JPH2: variants seen among roughly 807,000 people sequenced by gnomAD.
JPH2 encodes junctophilin-2.
A neutral mutation model predicts 55.9 loss-of-function variants in JPH2; 38 were observed. That is an observed-to-expected ratio of 0.68 (90% CI 0.52 to 0.89). JPH2 has a LOEUF of 0.89. Ranked by LOEUF, JPH2 falls within the 40% of genes least tolerant of loss-of-function variation. The pLI, the probability that JPH2 is intolerant of heterozygous loss-of-function variation, is 0.00. For synonymous variants in JPH2, 480 were observed against 472.4 expected, an observed-to-expected ratio of 1.02 and a Z score of -0.21; for missense variants, 964 against 1,037.6, an observed-to-expected ratio of 0.93 and a Z score of 0.97.
rs777298881 is a variant in JPH2, at chr20:44,144,720, G to A, written c.1169+14898C>T. 1.1e-4 allele frequency among the ~76,000 whole-genome samples: 16 copies of A among 152,222 alleles called. No homozygotes were observed. The South Asian group carries it at 2.3e-3, about 22-fold the overall frequency. ...AGCCCAGCTGTGTCAGTTCTCGTGTGAGTTTGGACTGGTTTTCTCATCTGT... is the reference window on the plus strand; with the variant it reads ...AGCCCAGCTGTGTCAGTTCTCGTGTAAGTTTGGACTGGTTTTCTCATCTGT... On this transcript the variant is annotated intron_variant, in intron 2 of 5. Transcript: ENST00000372980.
chr20:44,131,657 T>C (rs1358986554), intron 2 of JPH2, among the ~76,000 whole-genome samples: 1 of 152,214 alleles, frequency 6.6e-6, no homozygotes, highest in Admixed American at 6.5e-5. Flanking sequence ...ACTTTTATAA[T>C]TTATTCACTT....
intron 2 of JPH2, among the ~76,000 whole-genome samples, chr20:44,153,838 G>A (rs556185141): frequency 1.3e-5 from 2 of 152,122 alleles, no homozygotes; most frequent in African/African-American, 4.8e-5. Flanking sequence ...GAGGTCTGGC[G>A]GGAAGAAAAG....
At chr20:44,135,283 A>G in intron 2 of JPH2, among the ~76,000 whole-genome samples, 1 of 152,222 alleles carries the variant, frequency 6.6e-6, no homozygotes, top group Admixed American at 6.6e-5. Flanking sequence ...GCTTTCATGT[A>G]ACTTCATGAC....
intron 2 of JPH2, among the ~76,000 whole-genome samples, chr20:44,122,601 G>A (rs1260640834): frequency 2.0e-5 from 3 of 152,108 alleles, no homozygotes; most frequent in Non-Finnish European, 2.9e-5. Flanking sequence ...TGCATGCATG[G>A]CTTTACCTCT....
intron 2 of JPH2, among the ~76,000 whole-genome samples, chr20:44,140,722 C>T (rs1464550483): frequency 7.0e-6 from 1 of 143,842 alleles, no homozygotes; most frequent in Non-Finnish European, 1.5e-5. Context: ...TGGGAGATCC[C>T]CACCGAGATC....
intron 4 of JPH2, 100 bp downstream of exon 4, chr20:44,115,565 C>T: frequency 6.7e-7 from 1 of 1,503,736 alleles, no homozygotes. Context: ...CGGTCTCTCG[C>T]ACCCCAGCAA....
chr20:44,178,124 C>A (rs768259764), intron 1 of JPH2: 185 of 704,048 alleles, frequency 2.6e-4, no homozygotes, highest in Non-Finnish European at 4.6e-4. Flanking sequence ...TTAGTAATAT[C>A]AGATTCTCTC....
intron 2 of JPH2, among the ~76,000 whole-genome samples, chr20:44,156,895 C>A (rs962691168): frequency 6.6e-6 from 1 of 152,106 alleles, no homozygotes; most frequent in African/African-American, 2.4e-5. Context: ...TTCAGTGATG[C>A]CAACGGCTCA....
At chr20:44,169,171 GTATTT>G (rs1158065397) in intron 1 of JPH2, among the ~76,000 whole-genome samples, 1 of 83,856 alleles carries the variant, frequency 1.2e-5, no homozygotes, top group African/African-American at 5.4e-5. Context: ...CTGGCCTTGG[GTATTT>G]TTTTTTTTTT....
chr20:44,116,240 G>T lies in JPH2; in HGVS notation c.1435C>A (p.Arg479=), dbSNP rs1273688341. ...GGTGACGGGGAGCCACCCTCGGGCC[G>T]AGGGGTCTCACGCTCGTGCAGCTGC... ...SPQLHERETP[R]PEGGSPSPAG... Residue 479 remains arginine, a synonymous_variant, in exon 4 of 6, where the codon CGG becomes AGG. Transcript: ENST00000372980. 4 of 1,463,710 alleles carry T rather than the reference G, an allele frequency of 2.7e-6. No homozygotes were observed. Among genetic ancestry groups the T allele is most frequent in the Non-Finnish European group, 3.6e-6 (4 of 1,116,406 alleles). 90.7% of individuals were successfully genotyped at this position (1,463,710 alleles called of 1,614,324 possible). A position where few individuals can be genotyped will look rare whatever the true frequency, so the allele number is the denominator to read the frequency against.
chr20:44,181,699 C>G (rs1331154373), intron 1 of JPH2, among the ~76,000 whole-genome samples: 1 of 152,232 alleles, frequency 6.6e-6, no homozygotes, highest in East Asian at 1.9e-4. Flanking sequence ...GTCCTCTCGT[C>G]CTGGAGTCTC....
intron 2 of JPH2, among the ~76,000 whole-genome samples, chr20:44,145,753 C>A (rs1422885051): frequency 6.6e-6 from 1 of 152,170 alleles, no homozygotes; most frequent in East Asian, 1.9e-4. Flanking sequence ...CAGAAGCCAA[C>A]TGAGGCTTCA....
chr20:44,129,749 G>A (rs1429288636), intron 2 of JPH2, among the ~76,000 whole-genome samples: 3 of 152,092 alleles, frequency 2.0e-5, no homozygotes, highest in Admixed American at 2.0e-4. Context: ...TCTTGAGATA[G>A]ATCATCCTGG....
rs1228547881 is a variant in JPH2 at position 44,106,914 on chromosome 20, G to A, written c.*6604C>T. 6.6e-6 allele frequency among the ~76,000 whole-genome samples: 1 copy of A among 152,150 alleles called. No homozygotes were observed. Among genetic ancestry groups the A allele is most frequent in the African/African-American group, 2.4e-5 (1 of 41,428 alleles). ...TATCACCCAGTAACAGAGCAAGGGA[G>A]GGGTATAAAAGCCCAATGGGAGATG... On this transcript the variant is annotated 3_prime_UTR_variant, in exon 6 of 6. Transcript: ENST00000372980.
Position 44,114,794 on chromosome 20 carries a change from G to A in JPH2, c.*2C>T, listed in dbSNP as rs376077213. On this transcript the variant is annotated 3_prime_UTR_variant, in exon 5 of 6. Coordinates refer to ENST00000372980, the MANE Select transcript of JPH2 (RefSeq NM_020433.5). ...CAGCTGGCTGCACCTGGTAAGCGAC[G>A]GTCAGGTCAGGAGGTGAACAAAGAG... The A allele has an allele frequency of 2.4e-5, 39 of 1,601,252 alleles. No individual in the cohort carries two copies. Among genetic ancestry groups the A allele is most frequent in the East Asian group, 1.6e-4 (7 of 44,566 alleles).
Position 44,116,001 on chromosome 20 carries a change from C to T in JPH2, c.1674G>A (p.Pro558=), listed in dbSNP as rs779915700. 44 of 1,579,534 alleles carry T rather than the reference C, an allele frequency of 2.8e-5. No homozygotes were observed. Among genetic ancestry groups the T allele is most frequent in the Non-Finnish European group, 3.7e-5 (43 of 1,171,100 alleles). The change falls in exon 4 of 6, where the codon CCG becomes CCA. Residue 558 remains proline (P), a synonymous_variant. Transcript: ENST00000372980. The part of the protein sequence containing the change: ...LQAPPAPSRE[P]EVALYQGYHS... ...GGTAGCCCTGGTAAAGCGCCACCTCCGGCTCCCGCGACGGCGCAGGCGGTG... is the reference window on the plus strand; with the variant it reads ...GGTAGCCCTGGTAAAGCGCCACCTCTGGCTCCCGCGACGGCGCAGGCGGTG...
chr20:44,109,964 G>A lies in JPH2; in HGVS notation c.*3554C>T, dbSNP rs1204720019. Reference sequence around the variant, plus strand: ...CAGCATTGCTTTTAAGTTCATGCATGGTACAAACCACCTTAAATGCATTCC... The same window carrying A: ...CAGCATTGCTTTTAAGTTCATGCATAGTACAAACCACCTTAAATGCATTCC... On this transcript the variant is annotated 3_prime_UTR_variant, in exon 6 of 6. Coordinates refer to ENST00000372980, the MANE Select transcript of JPH2 (RefSeq NM_020433.5). Among the ~76,000 whole-genome samples the A allele has an allele frequency of 6.6e-6, 1 of 152,140 alleles. No individual in the cohort carries two copies. Among genetic ancestry groups the A allele is most frequent in the African/African-American group, 2.4e-5 (1 of 41,416 alleles).
At chr20:44,135,101 CA>C (rs1783955112) in intron 2 of JPH2, among the ~76,000 whole-genome samples, 1 of 151,040 alleles carries the variant, frequency 6.6e-6, no homozygotes, top group Non-Finnish European at 1.5e-5. Context: ...TTGGCATGAC[CA>C]TACCTACTGG....
chr20:44,115,422 A>C (rs2072180674), intron 4 of JPH2, among the ~76,000 whole-genome samples: 3 of 152,160 alleles, frequency 2.0e-5, no homozygotes, highest in Admixed American at 6.5e-5. Flanking sequence ...TGTCTCTGCC[A>C]ATGGGATACC....
Sources: allele counts gnomAD v4.1 joint callset (sites outside exome capture counted in the v4.1 genomes callset), GRCh38; gene constraint gnomAD v4.1.1; transcripts MANE v1.5; gene names NCBI Gene and HGNC (gene_info 2026-07-23, HGNC 2026-07-21).